ACSM3: variants seen among roughly 807,000 people sequenced by gnomAD.
ACSM3 encodes the protein acyl-CoA synthetase medium chain family member 3.
In ACSM3, 61 loss-of-function variants were observed where a neutral mutation model predicts 74.1. That is an observed-to-expected ratio of 0.82 (90% confidence interval 0.67 to 1.02). The LOEUF (loss-of-function observed/expected upper bound fraction) is 1.02. Among genes scored for constraint, ACSM3 ranks in the 50% least tolerant of loss-of-function variants. ACSM3 has a pLI of 0.00. For synonymous variants in ACSM3, 213 were observed against 241.5 expected (o/e 0.88, Z 1.09); for missense variants, 660 against 697.0 (o/e 0.95, Z 0.60).
chr16:20,779,682 A>T (rs1305896296), intron 4 of ACSM3: 1 of 152,132 alleles, frequency 6.6e-6, no homozygotes, highest in Non-Finnish European at 1.5e-5. Context: ...GGATGCTTAG[A>T]TCCTGTTCAA....
chr16:20,739,204 C>T (rs2079896879), intron 1 of ACSM3: 17 of 879,078 alleles, frequency 1.9e-5, no homozygotes, highest in Middle Eastern at 3.5e-4. Context: ...AAGATGGAGT[C>T]TCGCTTTGCC....
At chr16:20,725,132 T>C (rs557838187) in intron 1 of ACSM3, among the ~76,000 whole-genome samples, 9 of 152,308 alleles carry the variant, frequency 5.9e-5, no homozygotes, top group Non-Finnish European at 1.2e-4. Flanking sequence ...CTTCAAACTA[T>C]GCTACAAGGC....
chr16:20,755,059 C>A (rs2080018340), intron 2 of ACSM3, among the ~76,000 whole-genome samples: 1 of 152,102 alleles, frequency 6.6e-6, no homozygotes, highest in Admixed American at 6.6e-5. Flanking sequence ...GAACTCTAGT[C>A]CCCACCCAAC....
At position 20,767,284 on chromosome 16, in the gene ACSM3, G is replaced by C. The variant is rs1321768631; in HGVS notation, c.-51-2700G>C. On this transcript the variant is annotated intron_variant, in intron 1 of 13. Transcript: ENST00000289416. ...TGTAATCCCAGCACTTTGGGAGGCC[G>C]AGGCGGGCGGATCACGAGGTCAGGA... Among the ~76,000 whole-genome samples the C allele has an allele frequency of 1.2e-4, 2 of 16,122 alleles. 1 individual carries two copies. The highest frequency in any genetic ancestry group is 3.9e-4 in the Non-Finnish European group (2 of 5,126). 10.6% of individuals were successfully genotyped at this position (16,122 alleles called of 152,430 possible). A position where few individuals can be genotyped will look rare whatever the true frequency, so the allele number is the denominator to read the frequency against.
intron 1 of ACSM3, among the ~76,000 whole-genome samples, chr16:20,701,176 C>T (rs934261633): frequency 2.0e-5 from 3 of 152,146 alleles, no homozygotes; most frequent in Non-Finnish European, 4.4e-5. Flanking sequence ...ACGGAGGCTA[C>T]AGAAGGCAGG....
chr16:20,784,973 T>A lies in ACSM3; in HGVS notation c.1020-11T>A. 6.2e-7 allele frequency: 1 copy of A among 1,605,666 alleles called. No homozygotes were observed. The highest frequency in any genetic ancestry group is 8.5e-7 in the Non-Finnish European group (1 of 1,176,942). ...TCCTCCTAAATCTAACTTATCTGGTTTTCTGAGAAGCTATAAGTTTAAAAG... is the reference window on the plus strand; with the variant it reads ...TCCTCCTAAATCTAACTTATCTGGTATTCTGAGAAGCTATAAGTTTAAAAG... On this transcript the variant is annotated splice_polypyrimidine_tract_variant and intron_variant, in intron 7 of 13. Transcript: ENST00000289416.
chr16:20,791,714 G>A (rs2080601843), intron 10 of ACSM3, among the ~76,000 whole-genome samples: 1 of 152,100 alleles, frequency 6.6e-6, no homozygotes, highest in South Asian at 2.1e-4. Context: ...ATCACTTGAG[G>A]TAAGGAGCTC....
rs888074900 is a variant in ACSM3 at position 20,729,220 on chromosome 16, T to A, written c.-189-20690T>A. 3.1e-4 allele frequency: 253 copies of A among 822,286 alleles called. 1 individual carries two copies. In the East Asian group the frequency reaches 6.3e-3, roughly 20 times the overall value. The allele number at this position is 822,286 out of a possible 1,614,324, so 50.9% of individuals were successfully genotyped here. A position where few individuals can be genotyped will look rare whatever the true frequency, so the allele number is the denominator to read the frequency against. ...CAAACTAATCCCCAAATGTCATCTT[T>A]GATTCCTAGGACAGTCCAGAGAAAA... On this transcript the variant is annotated intron_variant, in intron 1 of 3. Coordinates refer to the ACSM3 transcript ENST00000561584.
chr16:20,785,008 C>T lies in ACSM3; in HGVS notation c.1044C>T (p.His348=), dbSNP rs2080440113. The change falls in exon 8 of 14, where the codon CAC becomes CAT. Residue 348 remains histidine (H), a synonymous_variant. Transcript: ENST00000289416. ...ITSYKFKSLK[H]CVSAGEPITP... ...GCTATAAGTTTAAAAGCTTAAAGCA[C>T]TGTGTGAGTGCTGGGGAACCAATTA... The T allele has an allele frequency of 3.7e-6, 6 of 1,613,596 alleles. No individual in the cohort carries two copies. The highest frequency in any genetic ancestry group is 5.1e-6 in the Non-Finnish European group (6 of 1,179,704).
At chr16:20,739,878 G>C (rs1468641248) in intron 1 of ACSM3, among the ~76,000 whole-genome samples, 1 of 150,938 alleles carries the variant, frequency 6.6e-6, no homozygotes, top group Non-Finnish European at 1.5e-5. Context: ...GCAGACTATA[G>C]AATGTAAAAT....
At chr16:20,685,225 C>G (rs2079525645) in intron 1 of ACSM3, 2 of 1,614,192 alleles carry the variant, frequency 1.2e-6, no homozygotes, top group Non-Finnish European at 1.7e-6. Context: ...CACCAGCCAC[C>G]ACTCAGGAAC....
intron 5 of ACSM3, 43 bp from the exon 6 acceptor site, chr16:20,780,930 AT>A (rs1330860042): frequency 6.2e-7 from 1 of 1,612,306 alleles, no homozygotes; most frequent in South Asian, 1.1e-5. Flanking sequence ...GGTCTTTTAT[AT>A]TTATTTTCCT....
chr16:20,685,390 C>T, intron 1 of ACSM3: 1 of 1,614,214 alleles, frequency 6.2e-7, no homozygotes, highest in Middle Eastern at 1.6e-4. Context: ...TGGATTTGGA[C>T]CTCTCTTGCC....
At chr16:20,741,597 A>G in intron 1 of ACSM3, 1 of 1,573,642 alleles carries the variant, frequency 6.4e-7, no homozygotes, top group African/African-American at 1.4e-5. Context: ...ATTGCAGGTG[A>G]TGAGGATGCC....
intron 1 of ACSM3, among the ~76,000 whole-genome samples, chr16:20,748,005 T>G (rs2079965017): frequency 1.3e-5 from 2 of 151,974 alleles, no homozygotes; most frequent in Admixed American, 1.3e-4. Flanking sequence ...GGTGTGGTGG[T>G]GCACACCTGT....
At chr16:20,710,301 T>C (rs1039857693) in intron 1 of ACSM3, among the ~76,000 whole-genome samples, 4 of 152,136 alleles carry the variant, frequency 2.6e-5, no homozygotes, top group African/African-American at 9.7e-5. Flanking sequence ...CCTTCCAGGG[T>C]TGCTTAAAAC....
At chr16:20,741,481 G>GACCCCC in intron 1 of ACSM3, 1 of 1,308,414 alleles carries the variant, frequency 7.6e-7, no homozygotes, top group Non-Finnish European at 9.9e-7. Context: ...CTGGCAGCCG[G>GACCCCC]CCCGCCCGCC....
chr16:20,786,705 T>C (rs774077007), intron 9 of ACSM3, among the ~76,000 whole-genome samples: 2 of 152,070 alleles, frequency 1.3e-5, no homozygotes, highest in East Asian at 1.9e-4. Context: ...TATTAACCCA[T>C]TGAATTTCCA....
Position 20,778,853 on chromosome 16 carries a change from C to T in ACSM3, c.638+1273C>T, listed in dbSNP as rs183703979. Among the ~76,000 whole-genome samples the T allele has an allele frequency of 1.4e-3, 214 of 152,156 alleles. 1 individual carries two copies. The highest frequency in any genetic ancestry group is 5.0e-3 in the African/African-American group (206 of 41,498). ...GCAACCTCCACCTCCCGAGTTCAAG[C>T]GATTCTCCTGCCTCAGCCTTCCAAG... On this transcript the variant is annotated intron_variant, in intron 4 of 13. Transcript: ENST00000289416.
Sources: allele counts gnomAD v4.1 joint callset (sites outside exome capture counted in the v4.1 genomes callset), GRCh38; gene constraint gnomAD v4.1.1; transcripts MANE v1.5; gene names NCBI Gene and HGNC (gene_info 2026-07-23, HGNC 2026-07-21).